CORIN: variants seen among roughly 807,000 people sequenced by gnomAD.
CORIN encodes corin, serine peptidase.
In CORIN, 117 loss-of-function variants were observed where a neutral mutation model predicts 125.3. The ratio of observed to expected loss-of-function variants is 0.93; its 90% CI spans 0.80 to 1.09. The LOEUF (loss-of-function observed/expected upper bound fraction) is 1.09. Ranked by LOEUF, CORIN falls within the 50% of genes least tolerant of loss-of-function variation. The pLI is 0.00. For synonymous variants in CORIN, 450 were observed against 466.4 expected, an observed-to-expected ratio of 0.96 and a Z score of 0.45; for missense variants, 1,253 against 1,306.7, an observed-to-expected ratio of 0.96 and a Z score of 0.63.
At chr4:47,598,319 T>C (rs1311884010) in intron 21 of CORIN, among the ~76,000 whole-genome samples, 4 of 152,182 alleles carry the variant, frequency 2.6e-5, no homozygotes, top group Admixed American at 1.3e-4. Context: ...AAGTAGGTTT[T>C]GTTTGGTTTT....
chr4:47,639,210 G>C (rs1038868395), intron 16 of CORIN, among the ~76,000 whole-genome samples: 15 of 152,206 alleles, frequency 9.9e-5, no homozygotes, highest in Non-Finnish European at 1.6e-4. Flanking sequence ...ATGAATGAAT[G>C]AGTGATACAA....
chr4:47,790,916 A>G (rs1260781427), intron 2 of CORIN, among the ~76,000 whole-genome samples: 1 of 150,054 alleles, frequency 6.7e-6, no homozygotes, highest in Non-Finnish European at 1.5e-5. Flanking sequence ...TAGCCAAAAA[A>G]AATGTAATGA....
At chr4:47,797,366 A>G (rs1206929461) in intron 2 of CORIN, among the ~76,000 whole-genome samples, 1 of 151,844 alleles carries the variant, frequency 6.6e-6, no homozygotes, top group Non-Finnish European at 1.5e-5. Context: ...AAGGCAGCAC[A>G]AACCATTGCA....
At chr4:47,754,971 T>G (rs1300780015) in intron 4 of CORIN, among the ~76,000 whole-genome samples, 3 of 152,132 alleles carry the variant, frequency 2.0e-5, no homozygotes, top group Non-Finnish European at 4.4e-5. Flanking sequence ...TATGCTAAAT[T>G]TAATTTTCTT....
At chr4:47,707,413 G>T (rs1726624147) in intron 5 of CORIN, among the ~76,000 whole-genome samples, 2 of 152,236 alleles carry the variant, frequency 1.3e-5, no homozygotes, top group Middle Eastern at 3.4e-3. Flanking sequence ...AGGAATCCTG[G>T]GAGGTCTCTC....
chr4:47,707,035 G>C, intron 5 of CORIN: 1 of 1,459,948 alleles, frequency 6.8e-7, no homozygotes. Flanking sequence ...ATTTAGGACA[G>C]TCATGTCTGC....
Position 47,642,044 on chromosome 4 carries a change from G to A in CORIN, c.2074C>T (p.Leu692Phe), listed in dbSNP as rs575029439. ...GAAGAGGAGTTCACATTTATAGAGA[G>A]GGTCACTAGGGAAAGAAAAGACAAG... ...DSSDEWDCVT[L>F]SINVNSSSFL... Residue 692 changes from leucine to phenylalanine, a missense_variant, in exon 16 of 22, where the codon CTC becomes TTC. Physicochemically the swap from Leu to Phe is conservative, Grantham distance 22. Coordinates refer to ENST00000273857, the MANE Select transcript of CORIN (RefSeq NM_006587.4). The A allele has an allele frequency of 1.9e-5, 31 of 1,612,376 alleles. No individual in the cohort carries two copies. The highest frequency in any genetic ancestry group is 2.2e-5 in the Non-Finnish European group (26 of 1,179,166).
At chr4:47,655,123 T>C (rs1018744340) in intron 12 of CORIN, among the ~76,000 whole-genome samples, 1 of 151,578 alleles carries the variant, frequency 6.6e-6, no homozygotes, top group African/African-American at 2.4e-5. Context: ...GCAGCATTAG[T>C]TACCAGCTGA....
chr4:47,607,954 A>C (rs552138550), intron 19 of CORIN, among the ~76,000 whole-genome samples: 2,472 of 105,580 alleles, frequency 0.023, 97 homozygotes, highest in Admixed American at 0.13. Flanking sequence ...CTCAAAAAAA[A>C]GAAAAAAAAA....
At chr4:47,598,497 G>A (rs554864169) in intron 21 of CORIN, among the ~76,000 whole-genome samples, 14 of 152,274 alleles carry the variant, frequency 9.2e-5, no homozygotes, top group African/African-American at 3.4e-4. Flanking sequence ...GCCTGTGTCT[G>A]TGGGCCTTCA....
At chr4:47,816,655 G>A (rs566959265) in intron 1 of CORIN, among the ~76,000 whole-genome samples, 90 of 152,220 alleles carry the variant, frequency 5.9e-4, no homozygotes, top group African/African-American at 2.1e-3. Flanking sequence ...TTTCTTGAGC[G>A]TTTATTCCAA....
intron 16 of CORIN, among the ~76,000 whole-genome samples, chr4:47,637,762 G>C (rs1360336551): frequency 2.0e-5 from 3 of 152,236 alleles, no homozygotes; most frequent in African/African-American, 7.2e-5. Flanking sequence ...CCCTCATGGA[G>C]AACCTCTGCT....
chr4:47,830,900 C>G (rs1171314135), intron 1 of CORIN, among the ~76,000 whole-genome samples: 1 of 152,166 alleles, frequency 6.6e-6, no homozygotes, highest in Non-Finnish European at 1.5e-5. Context: ...TTAAAACTCC[C>G]CCAAAGTGCT....
intron 5 of CORIN, among the ~76,000 whole-genome samples, chr4:47,741,202 T>A (rs975984532): frequency 6.6e-6 from 1 of 151,972 alleles, no homozygotes; most frequent in African/African-American, 2.4e-5. Context: ...CACACTTGCA[T>A]CCAGAATATA....
intron 3 of CORIN, among the ~76,000 whole-genome samples, chr4:47,775,674 C>G (rs771403437): frequency 1.1e-4 from 16 of 152,260 alleles, no homozygotes; most frequent in South Asian, 2.1e-4. Context: ...GACACAGAAG[C>G]TCAGCTGAAG....
intron 5 of CORIN, among the ~76,000 whole-genome samples, chr4:47,719,863 A>C (rs1383238041): frequency 6.6e-6 from 1 of 152,238 alleles, no homozygotes. Context: ...CATTTTCAGA[A>C]AATTTTTTCA....
chr4:47,765,689 T>C (rs1442692364), intron 3 of CORIN, among the ~76,000 whole-genome samples: 3 of 152,222 alleles, frequency 2.0e-5, no homozygotes, highest in African/African-American at 7.2e-5. Context: ...TGTCAAACTT[T>C]TGGATTTTTG....
chr4:47,811,465 G>A (rs1477514461), intron 1 of CORIN, among the ~76,000 whole-genome samples: 3 of 152,090 alleles, frequency 2.0e-5, no homozygotes, highest in African/African-American at 7.2e-5. Context: ...TCAACACATG[G>A]TGCATTCCTG....
intron 2 of CORIN, among the ~76,000 whole-genome samples, chr4:47,789,878 C>A (rs1024962653): frequency 6.6e-6 from 1 of 151,904 alleles, no homozygotes; most frequent in African/African-American, 2.4e-5. Flanking sequence ...AAAAATTAGC[C>A]GGGTGTGGTG....
Sources: allele counts gnomAD v4.1 joint callset (sites outside exome capture counted in the v4.1 genomes callset), GRCh38; gene constraint gnomAD v4.1.1; transcripts MANE v1.5; gene names NCBI Gene and HGNC (gene_info 2026-07-23, HGNC 2026-07-21).